ADCYAP1R1: variants seen among roughly 807,000 people sequenced by gnomAD.
ADCYAP1R1 encodes the protein pituitary adenylate cyclase-activating polypeptide type I receptor.
Under a neutral mutation model 67.6 loss-of-function variants are expected in ADCYAP1R1, and 44 were observed. The ratio of observed to expected loss-of-function variants is 0.65; its 90% CI spans 0.51 to 0.84. The LOEUF is 0.84. Ranked by LOEUF, ADCYAP1R1 falls within the 40% of genes least tolerant of loss-of-function variation. The pLI is 0.00. For synonymous variants in ADCYAP1R1, 222 were observed against 219.6 expected (o/e 1.01, Z -0.10); for missense variants, 477 against 587.9 (o/e 0.81, Z 1.95).
intron 13 of ADCYAP1R1, among the ~76,000 whole-genome samples, chr7:31,098,713 G>T (rs1301304292): frequency 3.4e-5 from 4 of 119,310 alleles, no homozygotes; most frequent in Admixed American, 9.1e-5. Flanking sequence ...CGGGGGGGGG[G>T]GGGGGACCTG....
intron 13 of ADCYAP1R1, among the ~76,000 whole-genome samples, chr7:31,095,924 G>T (rs1796174552): frequency 6.6e-6 from 1 of 152,192 alleles, no homozygotes; most frequent in African/African-American, 2.4e-5. Context: ...GAGTGGCTGG[G>T]GACAGGACTT....
chr7:31,083,146 A>G (rs1795582138), intron 6 of ADCYAP1R1, among the ~76,000 whole-genome samples: 1 of 152,260 alleles, frequency 6.6e-6, no homozygotes, highest in African/African-American at 2.4e-5. Flanking sequence ...TGTGAAGGGA[A>G]GAACCAACCA....
intron 11 of ADCYAP1R1, 32 bp from the exon 12 acceptor site, chr7:31,087,595 C>A: frequency 6.2e-7 from 1 of 1,606,914 alleles, no homozygotes; most frequent in African/African-American, 1.3e-5. Context: ...GACTCACAGA[C>A]GTGATCTTGC....
chr7:31,078,761 T>C (rs981295028), intron 4 of ADCYAP1R1, among the ~76,000 whole-genome samples: 7 of 152,100 alleles, frequency 4.6e-5, no homozygotes, highest in African/African-American at 1.4e-4. Context: ...GGGCTCAAGA[T>C]GGGAGGAGCT....
intron 14 of ADCYAP1R1, among the ~76,000 whole-genome samples, chr7:31,103,761 C>A (rs754284033): frequency 6.6e-6 from 1 of 152,052 alleles, no homozygotes; most frequent in Non-Finnish European, 1.5e-5. Context: ...GGCCTGGCCA[C>A]AGAGAGCCCA....
intron 15 of ADCYAP1R1, 132 bp downstream of exon 15, chr7:31,105,041 G>A (rs1295359537): frequency 1.1e-6 from 1 of 935,202 alleles, no homozygotes; most frequent in Non-Finnish European, 1.7e-6. Context: ...GCACTGAGAG[G>A]AGGGGCTGGT....
chr7:31,087,570 G>A lies in ADCYAP1R1; in HGVS notation c.885-57G>A, dbSNP rs913436805. 92 of 1,532,690 alleles carry A rather than the reference G, an allele frequency of 6.0e-5. No homozygotes were observed. In the Middle Eastern group the frequency reaches 1.2e-3, roughly 20 times the overall value. The allele number at this position is 1,532,690 out of a possible 1,614,324, so 94.9% of individuals were successfully genotyped here. ...CAGCTAGGCAGGGCAGTGTCCCGCAGGCTTCTATGCTGCCGACTCACAGAC... is the reference window on the plus strand; with the variant it reads ...CAGCTAGGCAGGGCAGTGTCCCGCAAGCTTCTATGCTGCCGACTCACAGAC... On this transcript the variant is annotated intron_variant, in intron 11 of 15. Coordinates refer to ENST00000304166, the MANE Select transcript of ADCYAP1R1 (RefSeq NM_001118.5).
Position 31,086,517 on chromosome 7 carries a change from G to A in ADCYAP1R1, c.803G>A (p.Trp268Ter). ...TTCCCTGAAAGGAGATACTTCTACT[G>A]GTACACCATCATTGGCTGGGGTAGG... ...TFFPERRYFY[W>*]YTIIGWGTPT... The change falls in exon 10 of 16, where the codon TGG (tryptophan) becomes TAG (stop). Residue 268 changes from tryptophan to a stop codon, truncating the protein, a stop_gained. Coordinates refer to ENST00000304166, the MANE Select transcript of ADCYAP1R1 (RefSeq NM_001118.5). LOFTEE classifies it high-confidence loss of function. The surrounding 1 kb of genome is among the most constrained non-coding windows in gnomAD (Gnocchi z 5.0). 2 of 1,614,218 alleles carry A rather than the reference G, an allele frequency of 1.2e-6. No homozygotes were observed. The highest frequency in any genetic ancestry group is 1.7e-5 in the Admixed American group (1 of 60,032).
intron 1 of ADCYAP1R1, among the ~76,000 whole-genome samples, chr7:31,056,745 G>A (rs1378312258): frequency 1.3e-5 from 2 of 152,172 alleles, no homozygotes; most frequent in Non-Finnish European, 2.9e-5. Context: ...TAAATGAGAA[G>A]CTGATCACTC....
At chr7:31,105,075 G>C (rs1277300684) in intron 15 of ADCYAP1R1, among the ~76,000 whole-genome samples, 166 bp downstream of exon 15, 1 of 152,176 alleles carries the variant, frequency 6.6e-6, no homozygotes, top group Non-Finnish European at 1.5e-5. Flanking sequence ...GCATTGTGTG[G>C]TGCCAGGACC....
chr7:31,080,064 G>A (rs1459253286), intron 4 of ADCYAP1R1, among the ~76,000 whole-genome samples: 2 of 152,198 alleles, frequency 1.3e-5, no homozygotes, highest in Admixed American at 1.3e-4. Flanking sequence ...CAGATTCCAT[G>A]CCAGACTCCG....
chr7:31,094,611 G>A (rs752539998), intron 13 of ADCYAP1R1, among the ~76,000 whole-genome samples: 32 of 151,968 alleles, frequency 2.1e-4, no homozygotes, highest in Non-Finnish European at 4.3e-4. Flanking sequence ...TACTAAATAG[G>A]ATACCCTACT....
chr7:31,095,132 G>T (rs1010343404), intron 13 of ADCYAP1R1, among the ~76,000 whole-genome samples: 1 of 152,120 alleles, frequency 6.6e-6, no homozygotes, highest in African/African-American at 2.4e-5. Flanking sequence ...GGAAATACTC[G>T]CGACCACATC....
chr7:31,063,716 G>A (rs1019293891), intron 2 of ADCYAP1R1, among the ~76,000 whole-genome samples: 2 of 152,142 alleles, frequency 1.3e-5, no homozygotes, highest in African/African-American at 4.8e-5. Context: ...TGAAGGTGGG[G>A]ATGGGGAGTG....
At chr7:31,101,376 A>G (rs1327695171) in intron 13 of ADCYAP1R1, among the ~76,000 whole-genome samples, 1 of 152,156 alleles carries the variant, frequency 6.6e-6, no homozygotes, top group African/African-American at 2.4e-5. Context: ...GACTACAGGG[A>G]CAAGTACTTG....
chr7:31,097,101 G>T (rs1387419589), intron 13 of ADCYAP1R1, among the ~76,000 whole-genome samples: 1 of 152,206 alleles, frequency 6.6e-6, no homozygotes, highest in African/African-American at 2.4e-5. Flanking sequence ...TGACTTTCCT[G>T]CAGACACACA....
At chr7:31,058,500 T>C (rs1794354936) in intron 1 of ADCYAP1R1, among the ~76,000 whole-genome samples, 1 of 152,200 alleles carries the variant, frequency 6.6e-6, no homozygotes, top group South Asian at 2.1e-4. Flanking sequence ...TCCAGGTATC[T>C]GTAACACATC....
chr7:31,087,540 G>T, intron 11 of ADCYAP1R1, 87 bp from the exon 12 acceptor site: 2 of 1,208,502 alleles, frequency 1.7e-6, no homozygotes, highest in Non-Finnish European at 2.4e-6. Context: ...AAAGTGTCGG[G>T]CACCCAGCTA....
At position 31,084,272 on chromosome 7, in the gene ADCYAP1R1, C is replaced by G. The variant is rs765971419; in HGVS notation, c.438+22C>G. 1.9e-6 allele frequency: 3 copies of G among 1,601,616 alleles called. No individual in the cohort carries two copies. In the African/African-American group the frequency reaches 4.0e-5, roughly 21 times the overall value. On this transcript the variant is annotated intron_variant, in intron 7 of 15. Coordinates refer to ENST00000304166, the MANE Select transcript of ADCYAP1R1 (RefSeq NM_001118.5). The stretch of plus-strand genomic sequence containing the variant: ...CCAGGTGAGTGTCTGCACCCTGCTC[C>G]CCAGAGGTGGTGAGGGTAGGGCTGA...
Sources: gnomAD v4.1 joint callset for allele counts (sites outside exome capture counted in the v4.1 genomes callset) on GRCh38, gnomAD v4.1.1 for gene constraint, Gnocchi (gnomAD v3.1) non-coding constraint, MANE v1.5 for transcripts, NCBI Gene and HGNC (gene_info 2026-07-23, HGNC 2026-07-21) for gene names.